SPACA1: variants seen among roughly 807,000 people sequenced by gnomAD.
SPACA1 encodes sperm acrosome membrane-associated protein 1.
A neutral mutation model predicts 32.6 loss-of-function variants in SPACA1; 17 were observed. The ratio of observed to expected loss-of-function variants is 0.52; its 90% CI spans 0.36 to 0.78. The LOEUF (loss-of-function observed/expected upper bound fraction) is 0.78, where lower values mean the gene tolerates loss of function less well. Among genes scored for constraint, SPACA1 ranks in the 30% least tolerant of loss-of-function variants. The pLI, the probability that SPACA1 is intolerant of heterozygous loss-of-function variation, is 0.01. For synonymous variants in SPACA1, 140 were observed against 138.1 expected, an observed-to-expected ratio of 1.01 and a Z score of -0.10; for missense variants, 363 against 373.4, an observed-to-expected ratio of 0.97 and a Z score of 0.23.
Position 88,048,003 on chromosome 6 carries a change from C to G in SPACA1, c.98C>G (p.Thr33Ser). ...CAGTCCGCGCGCGGGACCAACGTCA[C>G]CGCTGCCGTCCAGGATGCCGGCCTG... ...GLQSARGTNVTAAVQDAGLAH... is the reference protein window; with the variant it reads ...GLQSARGTNVSAAVQDAGLAH... Residue 33 changes from threonine (T) to serine (S), a missense_variant, in exon 1 of 7, where the codon ACC (threonine) becomes AGC (serine). Coordinates refer to ENST00000237201, the MANE Select transcript of SPACA1 (RefSeq NM_030960.3). The G allele has an allele frequency of 1.3e-6, 2 of 1,585,156 alleles. No individual in the cohort carries two copies. Among genetic ancestry groups the G allele is most frequent in the African/African-American group, 2.7e-5 (2 of 74,842 alleles).
Position 88,063,211 on chromosome 6 carries a change from T to C in SPACA1, c.611-888T>C, listed in dbSNP as rs1015580375. ...CCCTACGACCCAGCAATTCTATTAT[T>C]AGACATTTAGCCAAAAATTAAGATA... is the stretch of plus-strand genomic sequence containing the variant. On this transcript the variant is annotated intron_variant, in intron 5 of 6. Transcript: ENST00000237201. Among the ~76,000 whole-genome samples the C allele has an allele frequency of 2.0e-5, 3 of 152,150 alleles. No homozygotes were observed. In the East Asian group the frequency reaches 5.8e-4, roughly 29 times the overall value.
chr6:88,065,970 C>T (rs994897223), intron 6 of SPACA1, among the ~76,000 whole-genome samples: 3 of 151,288 alleles, frequency 2.0e-5, no homozygotes, highest in Non-Finnish European at 2.9e-5. Flanking sequence ...ATGTAATGTA[C>T]CTGTAATATA....
chr6:88,065,709 C>T (rs1161650171), intron 6 of SPACA1, among the ~76,000 whole-genome samples: 2 of 150,928 alleles, frequency 1.3e-5, no homozygotes, highest in African/African-American at 4.9e-5. Flanking sequence ...CCCCCCACCC[C>T]TGTAAAAGTA....
Position 88,053,965 on chromosome 6 carries a change from CAAA to C in SPACA1, c.229_231del (p.Lys77del), listed in dbSNP as rs996265996. The C allele has an allele frequency of 1.2e-6, 2 of 1,613,180 alleles. No individual in the cohort carries two copies. The highest frequency in any genetic ancestry group is 2.7e-5 in the African/African-American group (2 of 74,856). The stretch of plus-strand genomic sequence containing the variant: ...GTTTAGTTTCAAATAGGAATGTCGT[CAAA>C]GAAGTAGAATTCGGAATGTGCACCG... On this transcript the variant is annotated inframe_deletion, in exon 2 of 7. Transcript: ENST00000237201.
rs146890070 is a variant in SPACA1 at position 88,065,792 on chromosome 6, C to G, written c.732-390C>G. Among the ~76,000 whole-genome samples, 816 of 147,840 alleles carry G rather than the reference C, an allele frequency of 5.5e-3. 6 individuals carry two copies. Among genetic ancestry groups the G allele is most frequent in the African/African-American group, 0.019 (754 of 40,268 alleles). On this transcript the variant is annotated intron_variant, in intron 6 of 6. Transcript: ENST00000237201. ...ATGTAACCTTAGTGTAGATGCTGAACATTTTTGAATAGTAATTTTTATCAT... is the reference window on the plus strand; with the variant it reads ...ATGTAACCTTAGTGTAGATGCTGAAGATTTTTGAATAGTAATTTTTATCAT...
intron 5 of SPACA1, 161 bp from the exon 6 acceptor site, chr6:88,063,938 A>C: frequency 1.5e-6 from 1 of 679,290 alleles, no homozygotes. Flanking sequence ...ATGTTTGAAA[A>C]GGACATTTCA....
intron 2 of SPACA1, among the ~76,000 whole-genome samples, chr6:88,057,037 A>G (rs1775820248): frequency 6.6e-6 from 1 of 152,126 alleles, no homozygotes; most frequent in South Asian, 2.1e-4. Flanking sequence ...AACTTTCCCC[A>G]TGCTTCCCCA....
intron 2 of SPACA1, among the ~76,000 whole-genome samples, chr6:88,056,386 G>A (rs976840617): frequency 6.6e-6 from 1 of 152,034 alleles, no homozygotes; most frequent in Non-Finnish European, 1.5e-5. Flanking sequence ...AAGTGGAGCC[G>A]TACTTCAGCC....
intron 4 of SPACA1, 121 bp from the exon 5 acceptor site, chr6:88,059,332 T>G: frequency 2.4e-6 from 2 of 846,340 alleles, no homozygotes. Flanking sequence ...ATGTAGATCA[T>G]TAATTACTCA....
At position 88,058,820 on chromosome 6, in the gene SPACA1, C is replaced by G; in HGVS notation, c.472C>G (p.Gln158Glu). 6.3e-7 allele frequency: 1 copy of G among 1,598,234 alleles called. No individual in the cohort carries two copies. Among genetic ancestry groups the G allele is most frequent in the Non-Finnish European group, 8.6e-7 (1 of 1,166,406 alleles). ...TATGTGGAAACTTCTAAGACAAGAC[C>G]AAGTGAGTAATGAATGGATATAACC... The part of the protein sequence containing the change: ...KYMWKLLRQD[Q>E]QSIILVNDSA... Residue 158 changes from glutamine to glutamate, a missense_variant and splice_region_variant, in exon 4 of 7, where the codon CAA (glutamine) becomes GAA (glutamate). Transcript: ENST00000237201.
intron 1 of SPACA1, among the ~76,000 whole-genome samples, chr6:88,053,480 T>C (rs2127798793): frequency 6.6e-6 from 1 of 152,332 alleles, no homozygotes; most frequent in South Asian, 2.1e-4. Flanking sequence ...CATCTTAACC[T>C]GGGAAATGAG....
intron 1 of SPACA1, 58 bp downstream of exon 1, chr6:88,048,171 C>T (rs946290868): frequency 1.4e-6 from 2 of 1,479,140 alleles, no homozygotes; most frequent in Non-Finnish European, 1.8e-6. Context: ...GGAGCAAAGG[C>T]CTGCTCTTTG....
chr6:88,056,633 A>G (rs1775812319), intron 2 of SPACA1, among the ~76,000 whole-genome samples: 1 of 152,206 alleles, frequency 6.6e-6, no homozygotes, highest in South Asian at 2.1e-4. Flanking sequence ...TTGGAGAAGC[A>G]GTTATAAGAC....
chr6:88,062,424 T>A (rs1357616131), intron 5 of SPACA1, among the ~76,000 whole-genome samples: 2 of 152,212 alleles, frequency 1.3e-5, no homozygotes, highest in Non-Finnish European at 2.9e-5. Flanking sequence ...GATCAGATGA[T>A]CTCTGTAGTT....
intron 1 of SPACA1, among the ~76,000 whole-genome samples, chr6:88,050,023 T>C (rs1227840544): frequency 6.6e-6 from 1 of 152,242 alleles, no homozygotes; most frequent in Non-Finnish European, 1.5e-5. Flanking sequence ...ATCTTTAGAT[T>C]TATAAACACC....
chr6:88,047,663 T>C (rs937740039), upstream of SPACA1: 25 of 499,712 alleles, frequency 5.0e-5, no homozygotes, highest in African/African-American at 3.6e-4. Flanking sequence ...CGTCCTCTCC[T>C]AGGGACTTGT....
At chr6:88,047,577 A>C (rs929834553), upstream of SPACA1, among the ~76,000 whole-genome samples, 2 of 152,226 alleles carry the variant, frequency 1.3e-5, no homozygotes, top group Non-Finnish European at 2.9e-5. Flanking sequence ...GGAGCAGCCG[A>C]CAGCAACGCC....
intron 5 of SPACA1, among the ~76,000 whole-genome samples, chr6:88,061,969 T>C (rs1005646781): frequency 6.6e-6 from 1 of 152,180 alleles, no homozygotes; most frequent in African/African-American, 2.4e-5. Flanking sequence ...TCAGCTAACA[T>C]TGCAGAGTAA....
Position 88,064,192 on chromosome 6 carries a change from TC to T in SPACA1, c.705del (p.Leu236TyrfsTer2). ...GTCATTATCTGTGTATTTATAATTTTCTTATTGATCTTCATAATCATAAATT... is the reference window on the plus strand; with the variant it reads ...GTCATTATCTGTGTATTTATAATTTTTTATTGATCTTCATAATCATAAATT... ...IGVIICVFII[F>X]LLIFIIINWA... is the part of the protein sequence containing the mutation. On this transcript the variant is annotated frameshift_variant, in exon 6 of 7. Coordinates refer to ENST00000237201, the MANE Select transcript of SPACA1 (RefSeq NM_030960.3). LOFTEE classifies it high-confidence loss of function. 6.2e-7 allele frequency: 1 copy of T among 1,612,436 alleles called. No individual in the cohort carries two copies. Among genetic ancestry groups the T allele is most frequent in the Non-Finnish European group, 8.5e-7 (1 of 1,179,210 alleles).
Sources: allele counts gnomAD v4.1 joint callset (sites outside exome capture counted in the v4.1 genomes callset), GRCh38; gene constraint gnomAD v4.1.1; transcripts MANE v1.5; gene names NCBI Gene and HGNC (gene_info 2026-07-23, HGNC 2026-07-21).